Variants in NAV3 observed in about 807,000 individuals in gnomAD.
NAV3 encodes pore membrane and/or filament interacting like protein 1.
NAV3 carries 87 observed loss-of-function variants against 244.7 expected under a neutral mutation model. The ratio of observed to expected loss-of-function variants is 0.36; its 90% confidence interval spans 0.30 to 0.42. The LOEUF (loss-of-function observed/expected upper bound fraction) is 0.42, where lower values mean the gene tolerates loss of function less well. NAV3 is among the 20% of genes least tolerant of loss of function. The pLI is 1.00. For missense variants in NAV3, 2,663 were observed against 2,893.3 expected, an observed-to-expected ratio of 0.92 and a Z score of 1.83; for synonymous variants, 1,126 against 1,042.2, an observed-to-expected ratio of 1.08 and a Z score of -1.55.
intron 2 of NAV3, among the ~76,000 whole-genome samples, chr12:77,741,013 G>A (rs1256346751): frequency 1.3e-5 from 2 of 151,888 alleles, no homozygotes; most frequent in African/African-American, 4.8e-5. Context: ...GGATAAAAGA[G>A]TAGAAGACTC....
At chr12:77,983,267 A>G (rs1869889002) in intron 5 of NAV3, among the ~76,000 whole-genome samples, 1 of 152,140 alleles carries the variant, frequency 6.6e-6, no homozygotes, top group African/African-American at 2.4e-5. Flanking sequence ...ATAGGGATGG[A>G]CCCTGCTCTG....
At position 78,177,235 on chromosome 12, in the gene NAV3, T is replaced by G; in HGVS notation, c.5219T>G (p.Leu1740Arg). 1 of 1,613,570 alleles carries G rather than the reference T, an allele frequency of 6.2e-7. No individual in the cohort carries two copies. The highest frequency in any genetic ancestry group is 8.5e-7 in the Non-Finnish European group (1 of 1,179,650). Reference protein sequence around the residue: ...SDIEELTDSSLPASPKLPHNA... With the variant: ...SDIEELTDSSRPASPKLPHNA... The stretch of plus-strand genomic sequence containing the variant: ...ATTGAAGAGCTTACTGATTCATCCC[T>G]TCCGGCATCCCCCAAGTTACCCCAT... Residue 1740 changes from leucine to arginine, a missense_variant, in exon 27 of 40, where the codon CTT becomes CGT. Physicochemically the swap from Leu to Arg is moderately radical, Grantham distance 102. Coordinates refer to ENST00000397909, the MANE Select transcript of NAV3 (RefSeq NM_001024383.2).
intron 1 of NAV3, among the ~76,000 whole-genome samples, chr12:77,923,570 GT>G (rs1248078073): frequency 6.6e-6 from 1 of 152,082 alleles, no homozygotes; most frequent in East Asian, 1.9e-4. Flanking sequence ...AACATCTACT[GT>G]ATATACCTCA....
intron 35 of NAV3, 60 bp from the exon 36 acceptor site, chr12:78,198,545 T>G: frequency 9.9e-7 from 1 of 1,012,246 alleles, no homozygotes; most frequent in Non-Finnish European, 1.5e-6. Context: ...CAAGATAATT[T>G]TAATGAATTA....
intron 16 of NAV3, among the ~76,000 whole-genome samples, chr12:78,122,763 G>A (rs1025118579): frequency 6.6e-5 from 10 of 152,054 alleles, no homozygotes; most frequent in African/African-American, 2.4e-4. Context: ...AACAACACTA[G>A]CTCCTTATGA....
Position 77,821,225 on chromosome 12 carries a change from C to G in NAV3, c.73-119094C>G, listed in dbSNP as rs143487563. 4.9e-4 allele frequency among the ~76,000 whole-genome samples: 75 copies of G among 152,130 alleles called. No individual in the cohort carries two copies. The East Asian group carries it at 8.1e-3, about 16-fold the overall frequency. ...TTTCTGGGTGGTTCCTAGAAAGGATCTGGATGTTAGTTAGATCTGAAGTTT... is the reference window on the plus strand; with the variant it reads ...TTTCTGGGTGGTTCCTAGAAAGGATGTGGATGTTAGTTAGATCTGAAGTTT... On this transcript the variant is annotated intron_variant, in intron 2 of 8. Transcript: ENST00000550042.
chr12:78,035,144 T>G (rs1879635361), intron 9 of NAV3, among the ~76,000 whole-genome samples: 1 of 152,214 alleles, frequency 6.6e-6, no homozygotes, highest in South Asian at 2.1e-4. Context: ...AGGCAATGCA[T>G]ATTATAATGC....
At chr12:77,940,500 A>G (rs1360796247) in intron 2 of NAV3, 64 bp downstream of exon 2, 5 of 1,304,914 alleles carry the variant, frequency 3.8e-6, no homozygotes, top group East Asian at 2.3e-5. Flanking sequence ...GTAAAGCACA[A>G]CTTAAGTTAA....
chr12:77,944,598 G>T (rs1345251524), intron 3 of NAV3, among the ~76,000 whole-genome samples: 3 of 152,046 alleles, frequency 2.0e-5, no homozygotes, highest in Admixed American at 2.0e-4. Context: ...GTTTCTGAAG[G>T]TCAGAAAAGA....
intron 2 of NAV3, among the ~76,000 whole-genome samples, chr12:77,772,356 GTTAA>G (rs1171909855): frequency 6.6e-6 from 1 of 152,086 alleles, no homozygotes; most frequent in African/African-American, 2.4e-5. Context: ...AAATATTTTA[GTTAA>G]TTAGGAAAAA....
intron 2 of NAV3, among the ~76,000 whole-genome samples, chr12:77,711,161 A>G (rs929704460): frequency 2.6e-5 from 4 of 152,252 alleles, no homozygotes; most frequent in Admixed American, 2.6e-4. Flanking sequence ...TTTGTGAAAT[A>G]TCAGACCCAC....
chr12:77,609,375 A>AT (rs963552891), intron 2 of NAV3, among the ~76,000 whole-genome samples: 4 of 152,060 alleles, frequency 2.6e-5, no homozygotes, highest in Non-Finnish European at 5.9e-5. Context: ...TACCTGGAGA[A>AT]TTTTTTTCTA....
intron 2 of NAV3, among the ~76,000 whole-genome samples, chr12:77,752,947 C>G (rs185214220): frequency 3.9e-5 from 6 of 152,218 alleles, no homozygotes; most frequent in Admixed American, 3.9e-4. Context: ...CCATATAGTT[C>G]TAACTTACTA....
At chr12:77,936,118 T>C (rs184641294) in intron 1 of NAV3, among the ~76,000 whole-genome samples, 1 of 152,270 alleles carries the variant, frequency 6.6e-6, no homozygotes, top group African/African-American at 2.4e-5. Context: ...TGCACAAATA[T>C]TAAGTGGCAG....
At position 78,007,157 on chromosome 12, in the gene NAV3, C is replaced by A. The variant is rs2136589087; in HGVS notation, c.1619C>A (p.Thr540Asn). ...PGSKVPTVKQ[T>N]ISPGSTASKE... Reference sequence around the variant, plus strand: ...TCTAAAGTTCCAACAGTAAAGCAAACCATTTCACCTGGCAGCACAGCAAGC... The same window carrying A: ...TCTAAAGTTCCAACAGTAAAGCAAAACATTTCACCTGGCAGCACAGCAAGC... Residue 540 changes from threonine to asparagine, a missense_variant, in exon 8 of 40, where the codon ACC (threonine) becomes AAC (asparagine). Around this residue, in one of 6 missense-constraint regions of NAV3, gnomAD observed 1,521 missense variants for 1,497.0 expected, o/e 1.02. Coordinates refer to ENST00000397909, the MANE Select transcript of NAV3 (RefSeq NM_001024383.2). 6.2e-7 allele frequency: 1 copy of A among 1,614,096 alleles called. No homozygotes were observed. Among genetic ancestry groups the A allele is most frequent in the Non-Finnish European group, 8.5e-7 (1 of 1,180,026 alleles).
rs181858005 is a variant in NAV3, at chr12:77,961,037, T to C, written c.415-5192T>C. On this transcript the variant is annotated intron_variant, in intron 3 of 39. Transcript: ENST00000397909. Reference sequence around the variant, plus strand: ...TGTATATGTTACATGTATACGCATATATGTATATATGTATATGTTGCATGT... The same window carrying C: ...TGTATATGTTACATGTATACGCATACATGTATATATGTATATGTTGCATGT... 3.2e-4 allele frequency among the ~76,000 whole-genome samples: 43 copies of C among 132,348 alleles called. No homozygotes were observed. In the East Asian group the frequency reaches 6.1e-3, roughly 19 times the overall value. The allele number at this position is 132,348 out of a possible 152,430, so 86.8% of individuals were successfully genotyped here.
At chr12:78,057,971 A>G (rs1883764922) in intron 11 of NAV3, among the ~76,000 whole-genome samples, 1 of 152,246 alleles carries the variant, frequency 6.6e-6, no homozygotes, top group African/African-American at 2.4e-5. Context: ...TTTTGTAGCT[A>G]GCACATTTAA....
chr12:77,941,348 T>A (rs971113191), intron 3 of NAV3, among the ~76,000 whole-genome samples: 35 of 152,238 alleles, frequency 2.3e-4, no homozygotes, highest in African/African-American at 8.0e-4. Flanking sequence ...AGATGTCTTA[T>A]TAGATCCTTG....
chr12:78,080,115 C>T (rs1466167731), intron 12 of NAV3, among the ~76,000 whole-genome samples: 1 of 152,054 alleles, frequency 6.6e-6, no homozygotes, highest in Admixed American at 6.6e-5. Flanking sequence ...TTAAACCTGG[C>T]ATTTTAGACA....
Sources: gnomAD v4.1 joint callset for allele counts (sites outside exome capture counted in the v4.1 genomes callset) on GRCh38, gnomAD v4.1.1 for gene constraint, gnomAD v4.1.1 regional missense constraint, MANE v1.5 for transcripts, NCBI Gene and HGNC (gene_info 2026-07-23, HGNC 2026-07-21) for gene names.